COX15: variants seen among roughly 807,000 people sequenced by gnomAD.
COX15 encodes the protein cytochrome c oxidase assembly factor COX15, also known as heme A synthase COX15.
In COX15, 51 loss-of-function variants were observed where a neutral mutation model predicts 51.9. The ratio of observed to expected loss-of-function variants is 0.98; its 90% CI spans 0.78 to 1.24. The LOEUF (loss-of-function observed/expected upper bound fraction) is 1.24, where lower values mean the gene tolerates loss of function less well. Ranked by LOEUF, COX15 falls within the 50% of genes most tolerant of loss-of-function variation. COX15 has a pLI of 0.00. For synonymous variants in COX15, 188 were observed against 190.5 expected, an observed-to-expected ratio of 0.99 and a Z score of 0.11; for missense variants, 420 against 501.1, an observed-to-expected ratio of 0.84 and a Z score of 1.55.
At chr10:99,704,449 T>C in the COX15 span, 2 of 1,614,154 alleles carry the variant, frequency 1.2e-6, no homozygotes, top group Non-Finnish European at 1.7e-6. Flanking sequence ...AATTCTTCCC[T>C]AGGGATCTTC....
At chr10:99,696,740 A>G in the COX15 span, among the ~76,000 whole-genome samples, 1 of 152,180 alleles carries the variant, frequency 6.6e-6, no homozygotes, top group African/African-American at 2.4e-5. Flanking sequence ...CTGTAAAATT[A>G]TTTATTTTAT....
intron 7 of COX15, among the ~76,000 whole-genome samples, chr10:99,717,219 A>C (rs531600568): frequency 6.6e-6 from 1 of 151,804 alleles, no homozygotes; most frequent in South Asian, 2.1e-4. Context: ...ACATACCTCC[A>C]TCTGATGACA....
intron 1 of COX15, among the ~76,000 whole-genome samples, chr10:99,731,112 TGGAA>T (rs2037126860): frequency 1.3e-5 from 2 of 152,146 alleles, no homozygotes; most frequent in South Asian, 4.1e-4. Context: ...AAGGTACACT[TGGAA>T]AGGCAGCTCC....
chr10:99,709,221 T>C, downstream of COX15: 1 of 985,438 alleles, frequency 1.0e-6, no homozygotes, highest in Non-Finnish European at 1.2e-6. Flanking sequence ...TCTTGGGCAG[T>C]TTCCAGACTC....
At chr10:99,727,802 CT>C (rs919002102) in intron 2 of COX15, among the ~76,000 whole-genome samples, 23 of 149,744 alleles carry the variant, frequency 1.5e-4, no homozygotes, top group Admixed American at 8.7e-4. Context: ...CTCCCCAATT[CT>C]TTTTTTTTTC....
chr10:99,709,392 T>G, downstream of COX15: 1 of 985,444 alleles, frequency 1.0e-6, no homozygotes, highest in Non-Finnish European at 1.2e-6. Flanking sequence ...TTCTCCCATA[T>G]TAGTCTCTTA....
At chr10:99,723,035 C>T (rs1424793051) in intron 5 of COX15, 1 of 152,082 alleles carries the variant, frequency 6.6e-6, no homozygotes, top group Admixed American at 6.6e-5. Context: ...GCTACTAGCT[C>T]CAAGTACCTA....
downstream of COX15, chr10:99,710,447 T>C: frequency 1.0e-6 from 1 of 985,350 alleles, no homozygotes; most frequent in Non-Finnish European, 1.2e-6. Flanking sequence ...TTTATTATGA[T>C]CTACACTTTA....
In COX15 at chr10:99,727,018, G is replaced by A. The variant is rs192078749; in HGVS notation, c.532C>T (p.Arg178Cys). The part of the protein sequence containing the change: ...AYFWRKGWLS[R>C]GMKGRVLALC... ...GCAAGAACACGTCCTTTCATGCCAC[G>A]GCTGAGCCAGCCCTTTCTCCAAAAG... is the stretch of plus-strand genomic sequence containing the variant. The change falls in exon 4 of 9, where the codon CGT (arginine) becomes TGT (cysteine). Residue 178 changes from arginine to cysteine, a missense_variant. Coordinates refer to ENST00000016171, the MANE Select transcript of COX15 (RefSeq NM_078470.6). The A allele has an allele frequency of 2.1e-4, 339 of 1,614,054 alleles. 4 individuals carry two copies. The South Asian group carries it at 2.8e-3, about 13-fold the overall frequency.
chr10:99,719,137 A>C (rs1167640541), intron 6 of COX15, among the ~76,000 whole-genome samples: 1 of 152,218 alleles, frequency 6.6e-6, no homozygotes, highest in Non-Finnish European at 1.5e-5. Context: ...ACAAATAAAG[A>C]GGGTATTCAT....
chr10:99,722,856 G>C (rs2036820453), intron 5 of COX15: 1 of 151,844 alleles, frequency 6.6e-6, no homozygotes, highest in Non-Finnish European at 1.5e-5. Flanking sequence ...AAATACATAA[G>C]TAAATAAATG....
intron 2 of COX15, among the ~76,000 whole-genome samples, chr10:99,727,802 C>CT (rs919002102): frequency 3.4e-4 from 51 of 149,742 alleles, no homozygotes; most frequent in South Asian, 3.4e-3. Context: ...CTCCCCAATT[C>CT]TTTTTTTTTT....
intron 5 of COX15, among the ~76,000 whole-genome samples, chr10:99,723,392 TCTGC>T (rs2036842339): frequency 6.6e-6 from 1 of 152,098 alleles, no homozygotes; most frequent in Admixed American, 6.5e-5. Context: ...TCTGCCTGCC[TCTGC>T]CTCCCAAAGT....
chr10:99,714,786 G>C, intron 8 of COX15, 68 bp from the exon 9 acceptor site: 1 of 1,604,378 alleles, frequency 6.2e-7, no homozygotes, highest in African/African-American at 1.3e-5. Flanking sequence ...ATGGCCAGGC[G>C]TGGATAACCA....
Position 99,721,021 on chromosome 10 carries a change from TC to T in COX15, c.797del (p.Gly266GlufsTer19). ...QLLQLRRFAH[G>X]TAGLVFLTAL... ...CCGTAAGGAACACCAGACCTGCTGT[TC>T]CATGAGCAAATCGTCTCAACTGTAG... is the stretch of plus-strand genomic sequence containing the variant. On this transcript the variant is annotated frameshift_variant, in exon 6 of 9. Coordinates refer to ENST00000016171, the MANE Select transcript of COX15 (RefSeq NM_078470.6). LOFTEE classifies it high-confidence loss of function. 1.2e-6 allele frequency: 2 copies of T among 1,613,876 alleles called. No individual in the cohort carries two copies.
At chr10:99,698,941 G>A in the COX15 span, 1 of 1,297,966 alleles carries the variant, frequency 7.7e-7, no homozygotes. Context: ...GCTGTGCAAA[G>A]GGCTTTGCAT....
At chr10:99,700,118 C>T in the COX15 span, among the ~76,000 whole-genome samples, 312 of 152,274 alleles carry the variant, frequency 2.0e-3, 2 homozygotes, top group Non-Finnish European at 3.2e-3. Flanking sequence ...GCCCAGAGCT[C>T]CCTAACTATC....
chr10:99,726,605 G>A (rs1030407072), intron 4 of COX15, among the ~76,000 whole-genome samples: 1 of 151,910 alleles, frequency 6.6e-6, no homozygotes, highest in Non-Finnish European at 1.5e-5. Flanking sequence ...TGCCAACTAG[G>A]GGCCGGGCGC....
chr10:99,729,420 A>G (rs1009864377), intron 2 of COX15, 133 bp downstream of exon 2: 1 of 936,626 alleles, frequency 1.1e-6, no homozygotes, highest in African/African-American at 1.6e-5. Context: ...AGATCACACC[A>G]CTGCACTCCA....
Sources: gnomAD v4.1 joint callset for allele counts (sites outside exome capture counted in the v4.1 genomes callset) on GRCh38, gnomAD v4.1.1 for gene constraint, MANE v1.5 for transcripts, NCBI Gene and HGNC (gene_info 2026-07-23, HGNC 2026-07-21) for gene names.